The following LNX1 variants were observed in gnomAD, a reference collection of about 807,000 sequenced individuals.
LNX1 encodes ligand of numb-protein X 1.
In LNX1, 54 loss-of-function variants were observed where a neutral mutation model predicts 68.4. That is an observed-to-expected ratio of 0.79 (90% CI 0.63 to 0.99). The LOEUF is 0.99. Among genes scored for constraint, LNX1 ranks in the 50% least tolerant of loss-of-function variants. The probability of loss-of-function intolerance (pLI) is 0.00; values close to 1 mark genes in which losing one functional copy is unlikely to be tolerated. For missense variants in LNX1, 906 were observed against 926.4 expected, an observed-to-expected ratio of 0.98 and a Z score of 0.29; for synonymous variants, 336 against 350.0, an observed-to-expected ratio of 0.96 and a Z score of 0.45.
intron 2 of LNX1, among the ~76,000 whole-genome samples, chr4:53,518,671 C>T (rs1246781541): frequency 6.6e-6 from 1 of 152,092 alleles, no homozygotes; most frequent in African/African-American, 2.4e-5. Flanking sequence ...TAAGAACTTT[C>T]CAAAAGTCAC....
chr4:53,579,777 T>C (rs1459819873), intron 1 of LNX1, among the ~76,000 whole-genome samples: 1 of 152,204 alleles, frequency 6.6e-6, no homozygotes, highest in Non-Finnish European at 1.5e-5. Flanking sequence ...CCTGGCTTTA[T>C]AGAAAATGGT....
chr4:53,533,082 A>C (rs2109625513), intron 2 of LNX1, among the ~76,000 whole-genome samples: 1 of 152,330 alleles, frequency 6.6e-6, no homozygotes. Context: ...GCCACATATC[A>C]ACACATGGCA....
intron 2 of LNX1, among the ~76,000 whole-genome samples, chr4:53,526,553 A>G (rs1390039486): frequency 6.6e-6 from 1 of 151,912 alleles, no homozygotes; most frequent in Admixed American, 6.6e-5. Flanking sequence ...CAGTGATGAG[A>G]GGCTTTTCCT....
chr4:53,573,909 G>C lies in LNX1; in HGVS notation c.94C>G (p.Pro32Ala), dbSNP rs543430260. The change falls in exon 2 of 11, where the codon CCA becomes GCA. Residue 32 changes from proline (P) to alanine (A), a missense_variant. Physicochemically the swap from Pro to Ala is conservative, Grantham distance 27. Transcript: ENST00000263925. ...ATGAGGTCATCATCCACTTCCTCTGGATAGCTGTAGAAGTGGTTTTCCTCC... is the reference window on the plus strand; with the variant it reads ...ATGAGGTCATCATCCACTTCCTCTGCATAGCTGTAGAAGTGGTTTTCCTCC... ...SLEENHFYSY[P>A]EEVDDDLICH... 1 of 1,613,578 alleles carries C rather than the reference G, an allele frequency of 6.2e-7. No homozygotes were observed. The highest frequency in any genetic ancestry group is 8.5e-7 in the Non-Finnish European group (1 of 1,179,808).
intron 2 of LNX1, among the ~76,000 whole-genome samples, chr4:53,542,233 C>A (rs1728811622): frequency 1.3e-5 from 2 of 151,976 alleles, no homozygotes; most frequent in South Asian, 4.2e-4. Context: ...TTCCAGAAAA[C>A]CAGGGATAAA....
intron 2 of LNX1, among the ~76,000 whole-genome samples, chr4:53,524,871 GCT>G (rs1455359031): frequency 6.6e-6 from 1 of 152,138 alleles, no homozygotes. Flanking sequence ...TGCAAAAAAA[GCT>G]CTGTCTGCTT....
At chr4:53,483,415 A>T (rs1023684728) in intron 6 of LNX1, among the ~76,000 whole-genome samples, 1 of 152,204 alleles carries the variant, frequency 6.6e-6, no homozygotes, top group Non-Finnish European at 1.5e-5. Context: ...GATTAGTTTC[A>T]CATGTGTCAG....
rs551424822 is a variant in LNX1, at chr4:53,648,977, C to A, written c.-215+3191G>T. Among the ~76,000 whole-genome samples, 6 of 152,288 alleles carry A rather than the reference C, an allele frequency of 3.9e-5. No individual in the cohort carries two copies. The South Asian group carries it at 1.2e-3, about 32-fold the overall frequency. On this transcript the variant is annotated intron_variant, in intron 1 of 2. Transcript: ENST00000507168. ...GAAAAACCAATAGAAGAGAGGAGGT[C>A]TCCTTAGCATGCAGGGCAATGCTGG...
chr4:53,527,205 A>G (rs1378098159), intron 2 of LNX1, among the ~76,000 whole-genome samples: 1 of 152,186 alleles, frequency 6.6e-6, no homozygotes, highest in Non-Finnish European at 1.5e-5. Context: ...ACATTTATAA[A>G]CATATGAATT....
intron 2 of LNX1, chr4:53,524,152 C>T (rs1213119977): frequency 6.6e-6 from 1 of 152,034 alleles, no homozygotes; most frequent in Admixed American, 6.5e-5. Flanking sequence ...AATAGTCCTA[C>T]GGTTTAAATT....
intron 1 of LNX1, among the ~76,000 whole-genome samples, chr4:53,631,656 C>T (rs1734277200): frequency 6.6e-6 from 1 of 152,106 alleles, no homozygotes; most frequent in South Asian, 2.1e-4. Flanking sequence ...CAACTTAAGA[C>T]CATCGATCAG....
At chr4:53,561,569 G>T (rs1437110864) in intron 2 of LNX1, among the ~76,000 whole-genome samples, 3 of 152,058 alleles carry the variant, frequency 2.0e-5, no homozygotes, top group Admixed American at 6.6e-5. Context: ...CCACTTTGTA[G>T]ACAGCTAGCT....
rs79406103 is a variant in LNX1, at chr4:53,478,270, C to T, written c.1663+295G>A. On this transcript the variant is annotated intron_variant, in intron 8 of 10. Coordinates refer to ENST00000263925, the MANE Select transcript of LNX1 (RefSeq NM_001126328.3). ...AAAGAACCACTTAGAATGAATGGAACTACATTATGCCATTTAATAGAGGTA... is the reference window on the plus strand; with the variant it reads ...AAAGAACCACTTAGAATGAATGGAATTACATTATGCCATTTAATAGAGGTA... Among the ~76,000 whole-genome samples the T allele has an allele frequency of 3.5e-4, 54 of 152,240 alleles. No individual in the cohort carries two copies. The highest frequency in any genetic ancestry group is 6.6e-4 in the Non-Finnish European group (45 of 68,026).
intron 1 of LNX1, among the ~76,000 whole-genome samples, chr4:53,584,002 T>A (rs1731998566): frequency 6.6e-6 from 1 of 152,128 alleles, no homozygotes; most frequent in African/African-American, 2.4e-5. Context: ...TATTTTTGCA[T>A]TGATTCGGAG....
intron 1 of LNX1, among the ~76,000 whole-genome samples, chr4:53,589,485 G>A (rs1387337370): frequency 6.6e-6 from 1 of 152,136 alleles, no homozygotes; most frequent in East Asian, 1.9e-4. Flanking sequence ...AGCAACCTAG[G>A]AAAATTCCTT....
intron 1 of LNX1, among the ~76,000 whole-genome samples, chr4:53,648,644 C>G (rs1307839876): frequency 6.6e-6 from 1 of 152,126 alleles, no homozygotes; most frequent in African/African-American, 2.4e-5. Context: ...CCACTTTTGT[C>G]TCCTCTGGCT....
intron 2 of LNX1, among the ~76,000 whole-genome samples, chr4:53,561,478 A>G (rs1730285807): frequency 6.6e-6 from 1 of 152,092 alleles, no homozygotes; most frequent in Non-Finnish European, 1.5e-5. Context: ...CGCCCACGTC[A>G]TCCTCCCAAA....
Position 53,508,172 on chromosome 4 carries a change from C to A in LNX1, c.436G>T (p.Asp146Tyr), listed in dbSNP as rs202162185. Residue 146 changes from aspartate (D) to tyrosine (Y), a missense_variant, in exon 3 of 11, where the codon GAT becomes TAT. Physicochemically the swap from Asp to Tyr is radical, Grantham distance 160 (BLOSUM62 -3). Transcript: ENST00000263925. ...LTKDRKRRSQ[D>Y]GCPDGCASLT... The stretch of plus-strand genomic sequence containing the variant: ...CTCGCACAGCCGTCTGGACAGCCAT[C>A]TTGTGAGCGCCTCTTCCTATCTTTG... The A allele has an allele frequency of 1.2e-6, 2 of 1,614,202 alleles. No individual in the cohort carries two copies. Among genetic ancestry groups the A allele is most frequent in the South Asian group, 2.2e-5 (2 of 91,086 alleles).
chr4:53,640,166 C>T (rs545459918), intron 1 of LNX1, among the ~76,000 whole-genome samples: 1 of 152,258 alleles, frequency 6.6e-6, no homozygotes, highest in Admixed American at 6.5e-5. Flanking sequence ...TTTTAACATT[C>T]TTTTGTTCCC....
Sources: gnomAD v4.1 joint callset for allele counts (sites outside exome capture counted in the v4.1 genomes callset) on GRCh38, gnomAD v4.1.1 for gene constraint, MANE v1.5 for transcripts, NCBI Gene and HGNC (gene_info 2026-07-23, HGNC 2026-07-21) for gene names.